KAT6B: variants seen among roughly 807,000 people sequenced by gnomAD.
The protein encoded by KAT6B is lysine acetyltransferase 6B.
KAT6B carries 10 observed loss-of-function variants against 187.5 expected under a neutral mutation model. The ratio of observed to expected loss-of-function variants is 0.05; its 90% CI spans 0.03 to 0.09. KAT6B has a LOEUF of 0.09. Ranked by LOEUF, KAT6B falls within the 10% of genes least tolerant of loss-of-function variation. The pLI is 1.00. For synonymous variants in KAT6B, 861 were observed against 926.8 expected (o/e 0.93, Z 1.29); for missense variants, 1,952 against 2,558.9 (o/e 0.76, Z 5.12).
chr10:74,969,025 G>A (rs1841677088), intron 4 of KAT6B, among the ~76,000 whole-genome samples: 2 of 152,178 alleles, frequency 1.3e-5, no homozygotes, highest in African/African-American at 4.8e-5. Context: ...GGATCTCTCA[G>A]CTTCTTAACT....
At chr10:74,871,091 G>T (rs1190509020) in intron 3 of KAT6B, among the ~76,000 whole-genome samples, 1 of 148,146 alleles carries the variant, frequency 6.8e-6, no homozygotes, top group Non-Finnish European at 1.5e-5. Flanking sequence ...CATGTTGGCC[G>T]GGCTGGTCTC....
rs186785206 is a variant in KAT6B, at chr10:74,875,444, A to G, written c.621+31966A>G. Among the ~76,000 whole-genome samples the G allele has an allele frequency of 6.1e-4, 93 of 152,200 alleles. 1 individual carries two copies. The highest frequency in any genetic ancestry group is 1.6e-3 in the Admixed American group (24 of 15,296). ...GGTAATGTTAAGTGACCCTGAAACC[A>G]AAGTAATGGAAAATTGTCTTCCTTT... On this transcript the variant is annotated intron_variant, in intron 3 of 17. Coordinates refer to ENST00000287239, the MANE Select transcript of KAT6B (RefSeq NM_012330.4).
Position 74,856,116 on chromosome 10 carries a change from C to T in KAT6B, c.621+12638C>T, listed in dbSNP as rs142435366. Among the ~76,000 whole-genome samples the T allele has an allele frequency of 4.6e-4, 70 of 152,186 alleles. 1 individual carries two copies. In the East Asian group the frequency reaches 0.012, roughly 26 times the overall value. ...TTTGACTTTTTTTGAGATGGAGTCT[C>T]GCTCTGTTGCCCAGGCTGGGGTGCA... On this transcript the variant is annotated intron_variant, in intron 3 of 17. Coordinates refer to ENST00000287239, the MANE Select transcript of KAT6B (RefSeq NM_012330.4).
intron 3 of KAT6B, among the ~76,000 whole-genome samples, chr10:74,935,789 A>C (rs1336128166): frequency 6.6e-6 from 1 of 152,214 alleles, no homozygotes; most frequent in African/African-American, 2.4e-5. Flanking sequence ...ATGTATGGAC[A>C]CTTGCATGCT....
chr10:74,988,220 A>G (rs1417717254), intron 12 of KAT6B, among the ~76,000 whole-genome samples: 1 of 152,178 alleles, frequency 6.6e-6, no homozygotes, highest in African/African-American at 2.4e-5. Context: ...CCTTTTCCAG[A>G]TCTCTGTGTA....
At chr10:74,974,411 A>T (rs902885406) in intron 7 of KAT6B, among the ~76,000 whole-genome samples, 4 of 152,176 alleles carry the variant, frequency 2.6e-5, no homozygotes, top group Admixed American at 6.5e-5. Context: ...ATTCACCTTT[A>T]GCTAAATTGA....
chr10:74,884,647 C>T (rs992546640), intron 3 of KAT6B, among the ~76,000 whole-genome samples: 1 of 152,098 alleles, frequency 6.6e-6, no homozygotes, highest in Non-Finnish European at 1.5e-5. Context: ...GGGCTCACTG[C>T]AACACCTGCT....
chr10:74,880,654 C>T (rs549628103), intron 3 of KAT6B, among the ~76,000 whole-genome samples: 17 of 152,184 alleles, frequency 1.1e-4, no homozygotes, highest in African/African-American at 1.7e-4. Context: ...TTTGGTCTGT[C>T]GCCTGGGCTG....
In KAT6B at chr10:75,030,298, A is replaced by G. The variant is rs1243997369; in HGVS notation, c.5474A>G (p.Asn1825Ser). 1.2e-6 allele frequency: 2 copies of G among 1,614,210 alleles called. No homozygotes were observed. Among genetic ancestry groups the G allele is most frequent in the Non-Finnish European group, 1.7e-6 (2 of 1,180,032 alleles). The change falls in exon 18 of 18, where the codon AAT (asparagine) becomes AGT (serine). Residue 1825 changes from asparagine (N) to serine (S), a missense_variant. Coordinates refer to ENST00000287239, the MANE Select transcript of KAT6B (RefSeq NM_012330.4). The surrounding 1 kb of genome is among the most constrained non-coding windows in gnomAD (Gnocchi z 4.8). Reference protein sequence around the residue: ...FSLAKLQQLTNTLIDHSLPYS... With the variant: ...FSLAKLQQLTSTLIDHSLPYS... The stretch of plus-strand genomic sequence containing the variant: ...CTTGCCAAACTGCAGCAGTTAACTA[A>G]TACACTTATTGATCATTCATTGCCT...
In KAT6B at chr10:75,032,281, T is replaced by C. The variant is rs886047255; in HGVS notation, c.*1235T>C. On this transcript the variant is annotated 3_prime_UTR_variant, in exon 18 of 18. Coordinates refer to ENST00000287239, the MANE Select transcript of KAT6B (RefSeq NM_012330.4). ...CATTTTAACATAAAATAAATTATGATGAGCCATTTTTAGCCTCTTGTGTCC... is the reference window on the plus strand; with the variant it reads ...CATTTTAACATAAAATAAATTATGACGAGCCATTTTTAGCCTCTTGTGTCC... The C allele has an allele frequency of 4.1e-5, 8 of 193,294 alleles. No individual in the cohort carries two copies. Among genetic ancestry groups the C allele is most frequent in the Non-Finnish European group, 7.6e-5 (7 of 92,452 alleles). 12.0% of individuals were successfully genotyped at this position (193,294 alleles called of 1,614,324 possible).
At chr10:74,934,178 T>A (rs1388267876) in intron 3 of KAT6B, among the ~76,000 whole-genome samples, 6 of 112,524 alleles carry the variant, frequency 5.3e-5, no homozygotes, top group Non-Finnish European at 8.2e-5. Context: ...AGGGCAAGAC[T>A]CCGTCTCCAA....
intron 13 of KAT6B, among the ~76,000 whole-genome samples, chr10:75,017,890 C>T (rs181112055): frequency 2.6e-5 from 4 of 152,202 alleles, no homozygotes; most frequent in Non-Finnish European, 4.4e-5. Flanking sequence ...TCATTTTGAT[C>T]GTTTTGATGG....
At chr10:74,828,143 G>A (rs1322316913) in intron 1 of KAT6B, among the ~76,000 whole-genome samples, 3 of 152,182 alleles carry the variant, frequency 2.0e-5, no homozygotes, top group Admixed American at 6.5e-5. Flanking sequence ...AAAGGCAGAG[G>A]AGGGGTTAGA....
chr10:74,941,335 G>T (rs1016022280), intron 3 of KAT6B, among the ~76,000 whole-genome samples: 1 of 152,170 alleles, frequency 6.6e-6, no homozygotes, highest in Non-Finnish European at 1.5e-5. Context: ...CAAATAAGAT[G>T]TCTATGTTAG....
At chr10:74,847,902 TTTTTTCTTTTTC>T (rs1304536680) in intron 3 of KAT6B, among the ~76,000 whole-genome samples, 10 of 151,328 alleles carry the variant, frequency 6.6e-5, no homozygotes, top group African/African-American at 2.4e-4. Flanking sequence ...GTTTTTCTTT[TTTTTTCTTTTTC>T]TTTTTCTTTT....
Position 75,030,550 on chromosome 10 carries a change from A to G in KAT6B, c.5726A>G (p.His1909Arg). The G allele has an allele frequency of 6.2e-7, 1 of 1,607,282 alleles. No homozygotes were observed. ...NMAASNIGIS[H>R]SQRLQTQIAS... ...GCTGCATCAAATATTGGCATCTCTCACAGCCAAAGACTGCAAACCCAGATT... is the reference window on the plus strand; with the variant it reads ...GCTGCATCAAATATTGGCATCTCTCGCAGCCAAAGACTGCAAACCCAGATT... Residue 1909 changes from histidine to arginine, a missense_variant, in exon 18 of 18, where the codon CAC becomes CGC. His to Arg is a conservative substitution (Grantham distance 29). Coordinates refer to ENST00000287239, the MANE Select transcript of KAT6B (RefSeq NM_012330.4). The surrounding 1 kb of genome is among the most constrained non-coding windows in gnomAD (Gnocchi z 4.8).
chr10:74,988,953 C>T, intron 12 of KAT6B, 66 bp from the exon 13 acceptor site: 1 of 1,055,752 alleles, frequency 9.5e-7, no homozygotes, highest in Non-Finnish European at 1.5e-6. Flanking sequence ...AGGACAGTGG[C>T]AGGTGCAGGG....
At position 74,929,585 on chromosome 10, in the gene KAT6B, G is replaced by A. The variant is rs544210484; in HGVS notation, c.622-30385G>A. Among the ~76,000 whole-genome samples the A allele has an allele frequency of 2.1e-3, 323 of 152,204 alleles. 1 individual carries two copies. Among genetic ancestry groups the A allele is most frequent in the African/African-American group, 7.4e-3 (308 of 41,548 alleles). ...AATGGTCATGTCAAAAAAAACCAAGGAACCATCAGTTGGGCAAATTGTTTG... is the reference window on the plus strand; with the variant it reads ...AATGGTCATGTCAAAAAAAACCAAGAAACCATCAGTTGGGCAAATTGTTTG... On this transcript the variant is annotated intron_variant, in intron 3 of 17. Coordinates refer to ENST00000287239, the MANE Select transcript of KAT6B (RefSeq NM_012330.4).
At chr10:74,904,505 C>G (rs1044835877) in intron 3 of KAT6B, among the ~76,000 whole-genome samples, 1 of 152,192 alleles carries the variant, frequency 6.6e-6, no homozygotes, top group Admixed American at 6.5e-5. Flanking sequence ...ATCTCTGACC[C>G]CCTTTAAAAG....
Sources: allele counts gnomAD v4.1 joint callset (sites outside exome capture counted in the v4.1 genomes callset), GRCh38; gene constraint gnomAD v4.1.1; non-coding constraint Gnocchi (gnomAD v3.1); transcripts MANE v1.5; gene names NCBI Gene and HGNC (gene_info 2026-07-23, HGNC 2026-07-21).